DMD: variants seen among roughly 807,000 people sequenced by gnomAD.
DMD encodes the protein dystrophin, also known as mutant dystrophin.
DMD carries 63 observed loss-of-function variants against 330.1 expected under a neutral mutation model. That is an observed-to-expected ratio of 0.19 (90% CI 0.16 to 0.24). DMD has a LOEUF of 0.24. DMD is among the 10% of genes least tolerant of loss of function. DMD has a pLI of 1.00. For missense variants in DMD, 3,344 were observed against 2,684.1 expected (o/e 1.25, Z -5.43); for synonymous variants, 1,223 against 959.8 (o/e 1.27, Z -5.07).
chrX:33,307,205 A>G (rs916457045), intron 1 of DMD, among the ~76,000 whole-genome samples: 2 of 111,298 alleles, frequency 1.8e-5, no homozygotes, highest in African/African-American at 6.5e-5. Flanking sequence ...TTACACCTAA[A>G]TTTGCTCTCC....
chrX:32,653,464 T>C (rs1344135739), intron 9 of DMD, among the ~76,000 whole-genome samples: 1 of 111,895 alleles, frequency 8.9e-6, no homozygotes. Flanking sequence ...GATCAGATAG[T>C]AGTAGATATG....
At chrX:31,428,911 G>C (rs955540422) in intron 60 of DMD, among the ~76,000 whole-genome samples, 1 of 111,517 alleles carries the variant, frequency 9.0e-6, no homozygotes, top group Admixed American at 9.5e-5. Flanking sequence ...CACGAGGTCA[G>C]GAGTTCGAGA....
chrX:31,611,896 AGGT>A (rs2077943338), intron 55 of DMD, among the ~76,000 whole-genome samples: 1 of 111,442 alleles, frequency 9.0e-6, no homozygotes, highest in Non-Finnish European at 1.9e-5. Flanking sequence ...GGTACATAGT[AGGT>A]GCATATATTT....
At chrX:31,641,250 C>G (rs1441415841) in intron 54 of DMD, among the ~76,000 whole-genome samples, 2 of 111,184 alleles carry the variant, frequency 1.8e-5, no homozygotes, top group East Asian at 5.6e-4. Flanking sequence ...GCCTGTAATC[C>G]CAGCACTTTG....
intron 1 of DMD, among the ~76,000 whole-genome samples, chrX:33,142,967 G>C (rs1262651763): frequency 9.0e-6 from 1 of 111,427 alleles, no homozygotes; most frequent in African/African-American, 3.3e-5. Flanking sequence ...CATATGAAAT[G>C]AAATAGTCAT....
rs556775560 is a variant in DMD at position 32,410,862 on chromosome X, G to T, written c.4233+890C>A. Among the ~76,000 whole-genome samples, 14 of 112,203 alleles carry T rather than the reference G, an allele frequency of 1.2e-4. 1 individual carries two copies. In the South Asian group the frequency reaches 4.8e-3, roughly 38 times the overall value. On this transcript the variant is annotated intron_variant, in intron 30 of 78. Transcript: ENST00000357033. ...ATTTACTCATTTAAAAGTCAACTCA[G>T]ATTTATTTTCAACACTATTTTAATT...
At chrX:33,124,252 C>T (rs759139799) in intron 1 of DMD, among the ~76,000 whole-genome samples, 9 of 108,133 alleles carry the variant, frequency 8.3e-5, no homozygotes, top group East Asian at 3.0e-4. Flanking sequence ...CCAAGGCATG[C>T]GAATCACGAG....
At chrX:32,794,229 G>C (rs1333792863) in intron 7 of DMD, among the ~76,000 whole-genome samples, 2 of 111,562 alleles carry the variant, frequency 1.8e-5, no homozygotes, top group Non-Finnish European at 3.8e-5. Flanking sequence ...ACAAAATAAA[G>C]ACCATATATG....
At chrX:31,789,564 G>C (rs1225777519) in intron 50 of DMD, among the ~76,000 whole-genome samples, 1 of 110,720 alleles carries the variant, frequency 9.0e-6, no homozygotes, top group Non-Finnish European at 1.9e-5. Context: ...ATTATTCCAA[G>C]GTAAAGTTAA....
chrX:32,840,979 CTT>C (rs1213493584), intron 4 of DMD, among the ~76,000 whole-genome samples: 1 of 111,906 alleles, frequency 8.9e-6, no homozygotes, highest in Non-Finnish European at 1.9e-5. Context: ...ATGCCCAACT[CTT>C]TAATTAGTTG....
At chrX:32,812,410 A>G (rs2077437042) in intron 6 of DMD, among the ~76,000 whole-genome samples, 1 of 112,255 alleles carries the variant, frequency 8.9e-6, no homozygotes, top group Admixed American at 9.4e-5. Context: ...AGACGGGTCA[A>G]TCACCTGAGG....
chrX:31,577,014 C>T (rs2076139483), intron 55 of DMD, among the ~76,000 whole-genome samples: 1 of 111,866 alleles, frequency 8.9e-6, no homozygotes, highest in South Asian at 3.7e-4. Context: ...CGCGCCCGGC[C>T]GATGAGTTAT....
chrX:32,342,334 C>T, intron 40 of DMD, 52 bp from the exon 41 acceptor site: 1 of 1,159,970 alleles, frequency 8.6e-7, no homozygotes. Flanking sequence ...ACCACATCAA[C>T]CGACTTGCAA....
At chrX:32,277,264 G>A (rs331341) in intron 43 of DMD, among the ~76,000 whole-genome samples, 20,729 of 110,662 alleles carry the variant, frequency 0.19, 1,812 homozygotes, top group Non-Finnish European at 0.27. Flanking sequence ...CTCAACACTG[G>A]AGTATATATA....
At chrX:32,738,429 C>T (rs569545212) in intron 7 of DMD, among the ~76,000 whole-genome samples, 1 of 111,680 alleles carries the variant, frequency 9.0e-6, no homozygotes, top group African/African-American at 3.2e-5. Flanking sequence ...TTTCTCTCCT[C>T]AACAGTTTGC....
At chrX:31,762,988 T>G (rs769043163) in intron 51 of DMD, among the ~76,000 whole-genome samples, 1 of 112,285 alleles carries the variant, frequency 8.9e-6, no homozygotes, top group South Asian at 3.6e-4. Flanking sequence ...TGTTGTCATA[T>G]TCCAAATACT....
At chrX:32,374,741 C>T (rs1232291743) in intron 34 of DMD, among the ~76,000 whole-genome samples, 1 of 111,327 alleles carries the variant, frequency 9.0e-6, no homozygotes, top group African/African-American at 3.3e-5. Context: ...CAATGTAATG[C>T]CCTCAACTTT....
intron 52 of DMD, among the ~76,000 whole-genome samples, chrX:31,686,985 A>T (rs1159721995): frequency 1.8e-5 from 2 of 111,749 alleles, no homozygotes; most frequent in African/African-American, 6.5e-5. Context: ...GCTCAGCCAC[A>T]GTAGGATGGG....
chrX:31,462,095 G>T (rs1300586868), intron 59 of DMD, among the ~76,000 whole-genome samples: 1 of 111,818 alleles, frequency 8.9e-6, no homozygotes, highest in Non-Finnish European at 1.9e-5. Flanking sequence ...CACGAAAACT[G>T]GTTTTGATAC....
Sources: allele counts gnomAD v4.1 joint callset (sites outside exome capture counted in the v4.1 genomes callset), GRCh38; gene constraint gnomAD v4.1.1; transcripts MANE v1.5; gene names NCBI Gene and HGNC (gene_info 2026-07-23, HGNC 2026-07-21).